Variants in ARMH3 observed in about 807,000 individuals in gnomAD.
ARMH3 encodes armadillo-like helical domain-containing protein 3.
In ARMH3, 60 loss-of-function variants were observed where a neutral mutation model predicts 99.1. The observed-to-expected ratio is 0.61, with a 90% confidence interval of 0.49 to 0.75. The LOEUF (loss-of-function observed/expected upper bound fraction) is 0.75. Among genes scored for constraint, ARMH3 ranks in the 30% least tolerant of loss-of-function variants. The pLI, the probability that ARMH3 is intolerant of heterozygous loss-of-function variation, is 0.00. For missense variants in ARMH3, 679 were observed against 843.1 expected (o/e 0.81, Z 2.41); for synonymous variants, 285 against 292.8 (o/e 0.97, Z 0.27).
At chr10:101,890,910 T>C (rs2067673791) in intron 23 of ARMH3, among the ~76,000 whole-genome samples, 1 of 151,508 alleles carries the variant, frequency 6.6e-6, no homozygotes, top group Non-Finnish European at 1.5e-5. Context: ...GGTCTCACTT[T>C]GTCATCCAGG....
intron 6 of ARMH3, among the ~76,000 whole-genome samples, chr10:102,024,553 G>A (rs1049884369): frequency 2.6e-5 from 4 of 151,956 alleles, no homozygotes; most frequent in Non-Finnish European, 5.9e-5. Context: ...GCCAAGGCAG[G>A]TGGATCACCT....
chr10:102,053,782 C>T (rs2067768946), intron 1 of ARMH3, among the ~76,000 whole-genome samples: 1 of 151,900 alleles, frequency 6.6e-6, no homozygotes, highest in African/African-American at 2.4e-5. Flanking sequence ...GCCTCAGCCT[C>T]CTAGTAGCTG....
At chr10:101,923,659 C>G (rs1370910746) in intron 23 of ARMH3, among the ~76,000 whole-genome samples, 2 of 152,154 alleles carry the variant, frequency 1.3e-5, no homozygotes, top group East Asian at 3.8e-4. Context: ...TTTTTTACTG[C>G]CCTTTACTTG....
intron 2 of ARMH3, among the ~76,000 whole-genome samples, chr10:102,036,597 C>A (rs938288088): frequency 6.6e-6 from 1 of 152,058 alleles, no homozygotes; most frequent in African/African-American, 2.4e-5. Context: ...CTCTCTGGGG[C>A]ATGTGCTGTG....
chr10:101,898,221 CAT>C (rs2135484671), intron 23 of ARMH3, among the ~76,000 whole-genome samples: 1 of 150,788 alleles, frequency 6.6e-6, no homozygotes, highest in East Asian at 1.9e-4. Context: ...GGCATGGTGA[CAT>C]GTGCCTGTTG....
intron 23 of ARMH3, among the ~76,000 whole-genome samples, chr10:101,932,042 C>A (rs1337559397): frequency 6.6e-6 from 1 of 152,066 alleles, no homozygotes; most frequent in Non-Finnish European, 1.5e-5. Context: ...ATAAAGAACT[C>A]CTAAAACTCA....
At chr10:101,986,696 G>A (rs988696775) in intron 19 of ARMH3, among the ~76,000 whole-genome samples, 3 of 152,174 alleles carry the variant, frequency 2.0e-5, no homozygotes, top group Admixed American at 2.0e-4. Flanking sequence ...AGAAGTGAGA[G>A]CAGCAGCCTG....
At chr10:102,032,051 A>G (rs1210832330) in intron 4 of ARMH3, among the ~76,000 whole-genome samples, 1 of 152,110 alleles carries the variant, frequency 6.6e-6, no homozygotes, top group East Asian at 1.9e-4. Flanking sequence ...GATTCTTCAT[A>G]TTCTAAACCT....
At chr10:101,938,251 G>A (rs1844079784) in intron 23 of ARMH3, among the ~76,000 whole-genome samples, 1 of 152,218 alleles carries the variant, frequency 6.6e-6, no homozygotes, top group East Asian at 1.9e-4. Context: ...ATTGCAGCAA[G>A]TTCATCAGAG....
At chr10:101,982,031 A>C (rs1846256375) in intron 19 of ARMH3, among the ~76,000 whole-genome samples, 1 of 150,862 alleles carries the variant, frequency 6.6e-6, no homozygotes, top group Admixed American at 6.6e-5. Flanking sequence ...CAAAAAAAAA[A>C]AAAAAAAAAA....
intron 23 of ARMH3, chr10:101,889,692 G>C (rs958576903): frequency 1.8e-6 from 1 of 566,180 alleles, no homozygotes; most frequent in African/African-American, 1.9e-5. Flanking sequence ...TTTACTATTA[G>C]ACAGAAAATA....
chr10:101,890,623 C>A (rs1448358356), intron 23 of ARMH3, among the ~76,000 whole-genome samples: 1 of 152,142 alleles, frequency 6.6e-6, no homozygotes, highest in African/African-American at 2.4e-5. Flanking sequence ...TTTCTCATTC[C>A]TGAGGGTGGG....
Position 101,846,193 on chromosome 10 carries a change from G to T in ARMH3, c.*1335C>A, listed in dbSNP as rs2066464517. On this transcript the variant is annotated 3_prime_UTR_variant, in exon 26 of 26. Coordinates refer to ENST00000370033, the MANE Select transcript of ARMH3 (RefSeq NM_024541.3). ...ATGCTCACCTGGCCTGTTTCAGATGGAGGGCACCCTACCCCCAGAAAGTTC... is the reference window on the plus strand; with the variant it reads ...ATGCTCACCTGGCCTGTTTCAGATGTAGGGCACCCTACCCCCAGAAAGTTC... 1 of 152,556 alleles carries T rather than the reference G, an allele frequency of 6.6e-6. No homozygotes were observed. Among genetic ancestry groups the T allele is most frequent in the African/African-American group, 2.4e-5 (1 of 41,432 alleles). The allele number at this position is 152,556 out of a possible 1,614,324, so 9.5% of individuals were successfully genotyped here. A position where few individuals can be genotyped will look rare whatever the true frequency, so the allele number is the denominator to read the frequency against.
intron 24 of ARMH3, among the ~76,000 whole-genome samples, chr10:101,885,211 A>G (rs540009319): frequency 6.6e-6 from 1 of 152,184 alleles, no homozygotes. Context: ...CCAATCTGAG[A>G]AACAGTCTGG....
chr10:101,958,824 T>G (rs1337944936), intron 20 of ARMH3, among the ~76,000 whole-genome samples: 8 of 152,186 alleles, frequency 5.3e-5, no homozygotes, highest in Non-Finnish European at 8.8e-5. Context: ...CAGGGAATGA[T>G]GAGTAGGAGT....
rs200590419 is a variant in ARMH3 at position 101,886,115 on chromosome 10, T to TA, written c.1860+3296dup. On this transcript the variant is annotated intron_variant, in intron 24 of 25. Transcript: ENST00000370033. ...TATGTTATGTATATTCTACCACATATAAAAAAAAAAGAGGTAAAAATGAAC... is the reference window on the plus strand; with the variant it reads ...TATGTTATGTATATTCTACCACATATAAAAAAAAAAAGAGGTAAAAATGAAC... Among the ~76,000 whole-genome samples the TA allele has an allele frequency of 7.4e-4, 106 of 143,544 alleles. 1 individual carries two copies. The highest frequency in any genetic ancestry group is 1.6e-3 in the African/African-American group (64 of 39,006). 94.2% of individuals were successfully genotyped at this position (143,544 alleles called of 152,430 possible).
At chr10:102,019,769 T>C (rs2066836367) in intron 8 of ARMH3, among the ~76,000 whole-genome samples, 1 of 151,276 alleles carries the variant, frequency 6.6e-6, no homozygotes, top group Non-Finnish European at 1.5e-5. Context: ...CTACTAAAAA[T>C]ACAAAAAAAT....
chr10:101,983,485 C>T (rs188628848), intron 19 of ARMH3, among the ~76,000 whole-genome samples: 41 of 152,270 alleles, frequency 2.7e-4, no homozygotes, highest in African/African-American at 9.1e-4. Context: ...GTTGCTCAGG[C>T]TGGGCTCAAG....
rs188482123 is a variant in ARMH3, at chr10:101,961,329, T to A, written c.1496-3597A>T. Among the ~76,000 whole-genome samples the A allele has an allele frequency of 1.5e-3, 232 of 151,882 alleles. 1 individual carries two copies. The highest frequency in any genetic ancestry group is 5.4e-3 in the African/African-American group (224 of 41,416). On this transcript the variant is annotated intron_variant, in intron 20 of 25. Transcript: ENST00000370033. Reference sequence around the variant, plus strand: ...CTCTCTCTTTTTTTTTTTAAGCACATAACTATCAACTAAAACTGTTCCTAA... The same window carrying A: ...CTCTCTCTTTTTTTTTTTAAGCACAAAACTATCAACTAAAACTGTTCCTAA...
Sources: gnomAD v4.1 joint callset for allele counts (sites outside exome capture counted in the v4.1 genomes callset) on GRCh38, gnomAD v4.1.1 for gene constraint, MANE v1.5 for transcripts, NCBI Gene and HGNC (gene_info 2026-07-23, HGNC 2026-07-21) for gene names.